Variants in CNTN5 observed in about 807,000 individuals in gnomAD.
The protein encoded by CNTN5 is contactin 5.
CNTN5 carries 77 observed loss-of-function variants against 129.1 expected under a neutral mutation model. That is an observed-to-expected ratio of 0.60 (90% CI 0.50 to 0.72). The LOEUF (loss-of-function observed/expected upper bound fraction) is 0.72, where lower values mean the gene tolerates loss of function less well. Ranked by LOEUF, CNTN5 falls within the 30% of genes least tolerant of loss-of-function variation. CNTN5 has a pLI of 0.00. For synonymous variants in CNTN5, 509 were observed against 465.6 expected (o/e 1.09, Z -1.20); for missense variants, 1,478 against 1,328.8 (o/e 1.11, Z -1.75).
chr11:99,820,131 G>A (rs555123059), intron 4 of CNTN5, among the ~76,000 whole-genome samples: 251 of 131,744 alleles, frequency 1.9e-3, no homozygotes, highest in African/African-American at 6.7e-3. Context: ...AATGACAAGA[G>A]CCTGTGTTGG....
intron 1 of CNTN5, among the ~76,000 whole-genome samples, chr11:99,187,127 A>G (rs1858394442): frequency 6.6e-6 from 1 of 152,038 alleles, no homozygotes; most frequent in African/African-American, 2.4e-5. Context: ...TTCTACGTGT[A>G]TCCAGTGATA....
chr11:99,433,752 A>G (rs1314763984), intron 2 of CNTN5, among the ~76,000 whole-genome samples: 1 of 152,164 alleles, frequency 6.6e-6, no homozygotes, highest in Non-Finnish European at 1.5e-5. Context: ...TTCAATCAAT[A>G]CAGGATAGTT....
chr11:100,014,245 C>T (rs1449138040), intron 9 of CNTN5, among the ~76,000 whole-genome samples: 8 of 151,978 alleles, frequency 5.3e-5, no homozygotes, highest in African/African-American at 1.5e-4. Context: ...TTGATGCAGC[C>T]CTCTGCATAA....
chr11:99,058,545 G>T (rs1032008639), intron 1 of CNTN5, among the ~76,000 whole-genome samples: 3 of 151,944 alleles, frequency 2.0e-5, no homozygotes, highest in African/African-American at 7.2e-5. Context: ...TACATAGAAA[G>T]TTACATGCCA....
At chr11:99,813,968 G>A (rs147393053) in intron 3 of CNTN5, among the ~76,000 whole-genome samples, 1 of 152,192 alleles carries the variant, frequency 6.6e-6, no homozygotes, top group East Asian at 1.9e-4. Context: ...ACCATATACA[G>A]CACTTCTAAG....
chr11:99,324,011 T>C (rs1865680325), intron 1 of CNTN5, among the ~76,000 whole-genome samples: 1 of 152,192 alleles, frequency 6.6e-6, no homozygotes, highest in Non-Finnish European at 1.5e-5. Context: ...CAATAATATC[T>C]ATAATTTAGA....
intron 15 of CNTN5, among the ~76,000 whole-genome samples, chr11:100,212,677 G>T (rs996229771): frequency 6.6e-6 from 1 of 152,050 alleles, no homozygotes; most frequent in African/African-American, 2.4e-5. Context: ...AAGTTAAAAG[G>T]CTAGAGTAGA....
intron 3 of CNTN5, among the ~76,000 whole-genome samples, chr11:99,757,285 A>G (rs1406487267): frequency 2.0e-5 from 3 of 151,942 alleles, no homozygotes; most frequent in African/African-American, 7.2e-5. Flanking sequence ...ATAAGGACCT[A>G]TACTATAAGT....
At position 100,320,982 on chromosome 11, in the gene CNTN5, G is replaced by A. The variant is rs185727423; in HGVS notation, c.2730+12514G>A. On this transcript the variant is annotated intron_variant, in intron 21 of 24. Transcript: ENST00000524871. ...TAGCTTTGCAGTAAATTTTGAAGTC[G>A]GGTAGTTTGATACCTCCAATTTTAT... Among the ~76,000 whole-genome samples, 75 of 152,004 alleles carry A rather than the reference G, an allele frequency of 4.9e-4. No individual in the cohort carries two copies. The East Asian group carries it at 0.012, about 25-fold the overall frequency.
Position 99,912,889 on chromosome 11 carries a change from G to A in CNTN5, c.578-3165G>A, listed in dbSNP as rs767240965. ...AGTCCAGAAAGATATTTATTTCAGT[G>A]TGTAATTTGAACCTGAATTTTAGAG... On this transcript the variant is annotated intron_variant, in intron 6 of 24. Coordinates refer to ENST00000524871, the MANE Select transcript of CNTN5 (RefSeq NM_014361.4). Among the ~76,000 whole-genome samples the A allele has an allele frequency of 2.6e-4, 40 of 151,990 alleles. 1 individual carries two copies. Among genetic ancestry groups the A allele is most frequent in the Middle Eastern group, 6.8e-3 (2 of 292 alleles).
chr11:99,770,549 A>C (rs1476844129), intron 3 of CNTN5, among the ~76,000 whole-genome samples: 1 of 152,018 alleles, frequency 6.6e-6, no homozygotes, highest in African/African-American at 2.4e-5. Context: ...TTAACACTCA[A>C]TTATGTCAAT....
chr11:99,136,528 C>T, intron 1 of CNTN5, among the ~76,000 whole-genome samples: 1 of 152,170 alleles, frequency 6.6e-6, no homozygotes. Context: ...CCTATTTCCT[C>T]TACTCCTGCC....
intron 3 of CNTN5, among the ~76,000 whole-genome samples, chr11:99,693,053 A>G (rs1954106746): frequency 6.6e-6 from 1 of 152,170 alleles, no homozygotes; most frequent in African/African-American, 2.4e-5. Flanking sequence ...AAAAATTTGA[A>G]GAAAAAATTT....
chr11:99,502,835 A>G (rs1565236803), intron 2 of CNTN5, among the ~76,000 whole-genome samples: 4 of 152,168 alleles, frequency 2.6e-5, no homozygotes, highest in African/African-American at 7.2e-5. Flanking sequence ...TGCCAAAGGC[A>G]CTTCAAACTC....
In CNTN5 at chr11:100,034,411, A is replaced by G. The variant is rs375136560; in HGVS notation, c.981-26801A>G. ...CAGTATCAAGTCTTGTTAGTTCTAT[A>G]TCTTAAATATCTTAAACATCTACTT... is the stretch of plus-strand genomic sequence containing the variant. On this transcript the variant is annotated intron_variant, in intron 9 of 24. Coordinates refer to ENST00000524871, the MANE Select transcript of CNTN5 (RefSeq NM_014361.4). Among the ~76,000 whole-genome samples, 23 of 152,314 alleles carry G rather than the reference A, an allele frequency of 1.5e-4. 1 individual carries two copies. Among genetic ancestry groups the G allele is most frequent in the Middle Eastern group, 6.8e-3 (2 of 294 alleles).
At chr11:99,890,648 T>G (rs1243798408) in intron 6 of CNTN5, among the ~76,000 whole-genome samples, 1 of 152,038 alleles carries the variant, frequency 6.6e-6, no homozygotes, top group Admixed American at 6.6e-5. Flanking sequence ...GAGTTCCAAA[T>G]AATTTTTGAA....
At chr11:100,103,479 G>A (rs1945297391) in intron 13 of CNTN5, among the ~76,000 whole-genome samples, 1 of 152,148 alleles carries the variant, frequency 6.6e-6, no homozygotes, top group Non-Finnish European at 1.5e-5. Context: ...TAAAACCAGG[G>A]GGAAAGAGCA....
intron 1 of CNTN5, among the ~76,000 whole-genome samples, chr11:99,250,440 C>G (rs1448804484): frequency 6.6e-6 from 1 of 151,866 alleles, no homozygotes; most frequent in East Asian, 1.9e-4. Context: ...TGTTAATTCA[C>G]TGATAAATTT....
At chr11:99,795,281 G>A (rs963237120) in intron 3 of CNTN5, among the ~76,000 whole-genome samples, 26 of 152,130 alleles carry the variant, frequency 1.7e-4, no homozygotes, top group African/African-American at 6.3e-4. Flanking sequence ...AGATCAGTTT[G>A]ATTCTTAAAA....
Sources: gnomAD v4.1 joint callset for allele counts (sites outside exome capture counted in the v4.1 genomes callset) on GRCh38, gnomAD v4.1.1 for gene constraint, MANE v1.5 for transcripts, NCBI Gene and HGNC (gene_info 2026-07-23, HGNC 2026-07-21) for gene names.